Variants in CCSER1 observed in about 807,000 individuals in gnomAD.
CCSER1 encodes serine-rich coiled-coil domain-containing protein 1.
In CCSER1, 41 loss-of-function variants were observed where a neutral mutation model predicts 82.0. The observed-to-expected ratio is 0.50, with a 90% CI of 0.39 to 0.65. The LOEUF is 0.65. CCSER1 is among the 30% of genes least tolerant of loss of function. The pLI is 0.00. For synonymous variants in CCSER1, 414 were observed against 383.9 expected, an observed-to-expected ratio of 1.08 and a Z score of -0.92; for missense variants, 1,119 against 1,064.2, an observed-to-expected ratio of 1.05 and a Z score of -0.72.
At chr4:90,473,229 G>A (rs115661877) in intron 5 of CCSER1, among the ~76,000 whole-genome samples, 2,425 of 152,258 alleles carry the variant, frequency 0.016, 40 homozygotes, top group African/African-American at 0.047. Context: ...TTTTAGAAAT[G>A]TGCTTGTTGA....
intron 7 of CCSER1, chr4:90,724,781 T>A: frequency 3.6e-6 from 1 of 274,818 alleles, no homozygotes. Context: ...ATTATCACTT[T>A]TATGACTGCA....
At chr4:91,130,581 G>T (rs1233611202) in intron 10 of CCSER1, among the ~76,000 whole-genome samples, 1 of 151,454 alleles carries the variant, frequency 6.6e-6, no homozygotes, top group Non-Finnish European at 1.5e-5. Flanking sequence ...AATATTTTAT[G>T]TAATGAAAAG....
chr4:90,732,271 T>C (rs1378790047), intron 7 of CCSER1, among the ~76,000 whole-genome samples: 2 of 152,138 alleles, frequency 1.3e-5, no homozygotes, highest in Non-Finnish European at 2.9e-5. Context: ...ACCTCCACAT[T>C]GTTCTATTGA....
intron 9 of CCSER1, among the ~76,000 whole-genome samples, chr4:91,068,173 T>C (rs927195235): frequency 1.3e-5 from 2 of 152,234 alleles, no homozygotes; most frequent in Non-Finnish European, 2.9e-5. Flanking sequence ...CTCTTCTCAA[T>C]GTTCATGGAT....
chr4:90,287,956 C>T (rs1259105883), intron 1 of CCSER1, among the ~76,000 whole-genome samples: 1 of 150,434 alleles, frequency 6.6e-6, no homozygotes, highest in Admixed American at 6.6e-5. Context: ...CAAAAACCAA[C>T]TGAACAACAA....
At chr4:90,944,364 C>G (rs903900395) in intron 9 of CCSER1, among the ~76,000 whole-genome samples, 24 of 152,140 alleles carry the variant, frequency 1.6e-4, no homozygotes, top group Middle Eastern at 6.8e-3. Flanking sequence ...TAGACTCATA[C>G]CAATCAGATA....
chr4:91,225,757 G>T (rs1053018315), intron 10 of CCSER1, among the ~76,000 whole-genome samples: 1 of 151,632 alleles, frequency 6.6e-6, no homozygotes, highest in Admixed American at 6.6e-5. Context: ...TTTAAATCCT[G>T]ATTTTGATGG....
chr4:91,192,274 T>G (rs1325965786), intron 10 of CCSER1, among the ~76,000 whole-genome samples: 1 of 152,190 alleles, frequency 6.6e-6, no homozygotes, highest in African/African-American at 2.4e-5. Context: ...CTCACCATAA[T>G]CTTACAATAT....
intron 3 of CCSER1, among the ~76,000 whole-genome samples, chr4:90,376,326 A>G (rs1461333588): frequency 2.0e-5 from 3 of 152,218 alleles, no homozygotes; most frequent in Admixed American, 6.5e-5. Flanking sequence ...CAGCTAAAGT[A>G]ATCAGTGACA....
At chr4:90,581,502 A>G (rs761822451) in intron 5 of CCSER1, among the ~76,000 whole-genome samples, 7 of 151,950 alleles carry the variant, frequency 4.6e-5, no homozygotes, top group Non-Finnish European at 1.0e-4. Flanking sequence ...GTTAAGGGGT[A>G]TGTGTGTGTG....
At chr4:91,547,009 T>G (rs1761928076) in intron 10 of CCSER1, among the ~76,000 whole-genome samples, 1 of 145,056 alleles carries the variant, frequency 6.9e-6, no homozygotes, top group African/African-American at 2.6e-5. Context: ...TATTTAGGAG[T>G]GTGTTGTTTA....
At chr4:91,164,438 G>T (rs1042499339) in intron 10 of CCSER1, among the ~76,000 whole-genome samples, 1 of 152,060 alleles carries the variant, frequency 6.6e-6, no homozygotes, top group African/African-American at 2.4e-5. Context: ...GAGGATCTTT[G>T]TGGTATTCTC....
chr4:91,445,024 C>G (rs1478386424), intron 10 of CCSER1, among the ~76,000 whole-genome samples: 1 of 152,122 alleles, frequency 6.6e-6, no homozygotes, highest in Admixed American at 6.6e-5. Flanking sequence ...ACAAATGTGT[C>G]TACATTATAC....
Position 90,848,152 on chromosome 4 carries a change from T to C in CCSER1, c.2094+32307T>C, listed in dbSNP as rs149898573. ...GTATATTTGCTAAATGTAAACACTA[T>C]GTAAGGGGGTAGGAATTTATTGTTC... On this transcript the variant is annotated intron_variant, in intron 8 of 10. Transcript: ENST00000509176. Among the ~76,000 whole-genome samples the C allele has an allele frequency of 4.6e-4, 70 of 152,292 alleles. 1 individual carries two copies. The East Asian group carries it at 0.011, about 25-fold the overall frequency.
intron 10 of CCSER1, among the ~76,000 whole-genome samples, chr4:91,129,043 T>G (rs1029666179): frequency 1.3e-5 from 2 of 152,114 alleles, no homozygotes; most frequent in Non-Finnish European, 2.9e-5. Flanking sequence ...GCTTTAACTC[T>G]ATTTCTCTGC....
intron 7 of CCSER1, among the ~76,000 whole-genome samples, chr4:90,760,738 G>C (rs149709190): frequency 6.6e-6 from 1 of 151,988 alleles, no homozygotes; most frequent in East Asian, 1.9e-4. Flanking sequence ...TCTTGTTATG[G>C]GACTACAGGT....
At chr4:90,528,053 AT>A (rs1197746513) in intron 5 of CCSER1, among the ~76,000 whole-genome samples, 2 of 152,186 alleles carry the variant, frequency 1.3e-5, no homozygotes, top group East Asian at 3.8e-4. Context: ...TTATAACAAA[AT>A]TTAACTTTAA....
intron 9 of CCSER1, among the ~76,000 whole-genome samples, chr4:91,031,630 T>C (rs1740991902): frequency 6.6e-6 from 1 of 152,130 alleles, no homozygotes; most frequent in South Asian, 2.1e-4. Context: ...TGTAGATCCA[T>C]TGAAGTCTTT....
chr4:90,972,487 A>G (rs966696810), intron 9 of CCSER1, among the ~76,000 whole-genome samples: 3 of 151,780 alleles, frequency 2.0e-5, no homozygotes, highest in Non-Finnish European at 2.9e-5. Context: ...AGATCTGTGC[A>G]CTTGAAACTA....
Sources: gnomAD v4.1 joint callset for allele counts (sites outside exome capture counted in the v4.1 genomes callset) on GRCh38, gnomAD v4.1.1 for gene constraint, MANE v1.5 for transcripts, NCBI Gene and HGNC (gene_info 2026-07-23, HGNC 2026-07-21) for gene names.